LPAR1: variants seen among roughly 807,000 people sequenced by gnomAD.
The protein encoded by LPAR1 is lysophosphatidic acid receptor 1.
Under a neutral mutation model 23.8 loss-of-function variants are expected in LPAR1, and 5 were observed. The ratio of observed to expected loss-of-function variants is 0.21; its 90% CI spans 0.11 to 0.44. The LOEUF (loss-of-function observed/expected upper bound fraction) is 0.44. LPAR1 is among the 20% of genes least tolerant of loss of function. LPAR1 has a pLI of 0.99. For synonymous variants in LPAR1, 160 were observed against 164.7 expected, an observed-to-expected ratio of 0.97 and a Z score of 0.22; for missense variants, 311 against 482.8, an observed-to-expected ratio of 0.64 and a Z score of 3.33.
At chr9:110,921,900 T>C (rs892461543) in intron 5 of LPAR1, among the ~76,000 whole-genome samples, 2 of 152,140 alleles carry the variant, frequency 1.3e-5, no homozygotes, top group African/African-American at 2.4e-5. Context: ...AGAAGTCCTG[T>C]AGAATTTAGA....
intron 4 of LPAR1, among the ~76,000 whole-genome samples, chr9:110,971,087 A>G (rs951575067): frequency 1.3e-5 from 2 of 152,224 alleles, no homozygotes; most frequent in African/African-American, 4.8e-5. Flanking sequence ...GTGAACCAAG[A>G]TCATGCCACT....
At chr9:110,983,333 A>T (rs1465127988) in intron 2 of LPAR1, among the ~76,000 whole-genome samples, 1 of 152,130 alleles carries the variant, frequency 6.6e-6, no homozygotes, top group Non-Finnish European at 1.5e-5. Context: ...TCCAGCCTTC[A>T]AAAGGATATT....
At chr9:110,921,162 C>CA in intron 5 of LPAR1, among the ~76,000 whole-genome samples, 1 of 151,982 alleles carries the variant, frequency 6.6e-6, no homozygotes, top group East Asian at 1.9e-4. Flanking sequence ...CAAAACAAAA[C>CA]AAAAAACAGG....
At chr9:110,916,392 C>T (rs949824959) in intron 5 of LPAR1, among the ~76,000 whole-genome samples, 2 of 152,182 alleles carry the variant, frequency 1.3e-5, no homozygotes, top group Non-Finnish European at 2.9e-5. Context: ...AAAAAATACA[C>T]TGGATGGAAG....
At chr9:110,920,300 G>A (rs573675021) in intron 5 of LPAR1, among the ~76,000 whole-genome samples, 53 of 152,220 alleles carry the variant, frequency 3.5e-4, no homozygotes, top group Non-Finnish European at 6.6e-4. Context: ...TCTGTCAACT[G>A]GAAATCAAAC....
At chr9:110,995,517 T>C (rs2096981629) in intron 2 of LPAR1, among the ~76,000 whole-genome samples, 1 of 152,146 alleles carries the variant, frequency 6.6e-6, no homozygotes, top group Non-Finnish European at 1.5e-5. Flanking sequence ...CTCTTGGCAA[T>C]ACCTCTCTAA....
At chr9:110,961,558 T>C (rs1588557159) in intron 4 of LPAR1, among the ~76,000 whole-genome samples, 1 of 142,456 alleles carries the variant, frequency 7.0e-6, no homozygotes, top group South Asian at 2.2e-4. Flanking sequence ...AGGCAGAGGT[T>C]GCAGTGAACT....
intron 4 of LPAR1, among the ~76,000 whole-genome samples, chr9:110,946,027 T>C (rs1184014028): frequency 6.6e-6 from 1 of 152,166 alleles, no homozygotes; most frequent in African/African-American, 2.4e-5. Context: ...ATGGATATCT[T>C]TGGAAGCCAT....
chr9:110,935,170 C>CA (rs907759488), intron 5 of LPAR1, among the ~76,000 whole-genome samples: 1 of 151,790 alleles, frequency 6.6e-6, no homozygotes, highest in Non-Finnish European at 1.5e-5. Flanking sequence ...CTGAAGTTCC[C>CA]AAAAAAAGAT....
chr9:110,882,988 A>G (rs554328104), intron 5 of LPAR1, among the ~76,000 whole-genome samples: 78 of 152,274 alleles, frequency 5.1e-4, no homozygotes, highest in African/African-American at 1.8e-3. Flanking sequence ...AAAGTTTGCT[A>G]AAAGTTTTGT....
chr9:110,904,427 A>G (rs1289060115), intron 5 of LPAR1, among the ~76,000 whole-genome samples: 6 of 152,214 alleles, frequency 3.9e-5, no homozygotes, highest in Non-Finnish European at 7.3e-5. Context: ...GTAGACTGTG[A>G]TAAGTCACAT....
chr9:110,995,843 A>C (rs1274239594), intron 2 of LPAR1, among the ~76,000 whole-genome samples: 1 of 152,216 alleles, frequency 6.6e-6, no homozygotes, highest in Non-Finnish European at 1.5e-5. Flanking sequence ...TCTCTAACTT[A>C]TGTGAGTGGT....
chr9:110,935,407 C>T (rs560012897), intron 5 of LPAR1, among the ~76,000 whole-genome samples: 2 of 112,246 alleles, frequency 1.8e-5, no homozygotes, highest in East Asian at 1.4e-3. Flanking sequence ...TGGACCGACT[C>T]CAGCCTTAAA....
chr9:111,000,703 A>G (rs1251050607), intron 2 of LPAR1, among the ~76,000 whole-genome samples: 1 of 152,178 alleles, frequency 6.6e-6, no homozygotes, highest in Non-Finnish European at 1.5e-5. Flanking sequence ...ACTGTCCAAT[A>G]TGATAGTTGC....
chr9:111,011,928 C>T (rs907409529), intron 2 of LPAR1, among the ~76,000 whole-genome samples: 2 of 152,166 alleles, frequency 1.3e-5, no homozygotes, highest in African/African-American at 4.8e-5. Flanking sequence ...TCTCAAAGAA[C>T]ATGTGGCCCA....
intron 4 of LPAR1, among the ~76,000 whole-genome samples, chr9:110,946,636 A>G (rs962834556): frequency 5.9e-5 from 9 of 152,106 alleles, no homozygotes; most frequent in African/African-American, 1.9e-4. Flanking sequence ...TTCGTAGAGA[A>G]AGTGTATATA....
At chr9:110,914,807 T>C (rs1167618420) in intron 5 of LPAR1, among the ~76,000 whole-genome samples, 3 of 152,166 alleles carry the variant, frequency 2.0e-5, no homozygotes, top group Non-Finnish European at 4.4e-5. Context: ...TTATTTTGCT[T>C]GCTGAGATGA....
chr9:110,925,212 T>C (rs1453292113), intron 5 of LPAR1, among the ~76,000 whole-genome samples: 1 of 151,170 alleles, frequency 6.6e-6, no homozygotes, highest in Non-Finnish European at 1.5e-5. Flanking sequence ...TTTCCTGAGA[T>C]TTTGGATATA....
intron 4 of LPAR1, among the ~76,000 whole-genome samples, chr9:110,971,136 A>G (rs1353830813): frequency 6.6e-6 from 1 of 152,216 alleles, no homozygotes; most frequent in Non-Finnish European, 1.5e-5. Flanking sequence ...CTCTCTCTCA[A>G]AAAAATAAAT....
Sources: gnomAD v4.1 joint callset for allele counts (sites outside exome capture counted in the v4.1 genomes callset) on GRCh38, gnomAD v4.1.1 for gene constraint, MANE v1.5 for transcripts, NCBI Gene and HGNC (gene_info 2026-07-23, HGNC 2026-07-21) for gene names.